Variants in CTR9 observed in about 807,000 individuals in gnomAD.
CTR9 encodes RNA polymerase-associated protein CTR9 homolog.
CTR9 carries 41 observed loss-of-function variants against 152.1 expected under a neutral mutation model. That is an observed-to-expected ratio of 0.27 (90% CI 0.21 to 0.35). The LOEUF (loss-of-function observed/expected upper bound fraction) is 0.35. Ranked by LOEUF, CTR9 falls within the 10% of genes least tolerant of loss-of-function variation. The pLI, the probability that CTR9 is intolerant of heterozygous loss-of-function variation, is 1.00. For synonymous variants in CTR9, 476 were observed against 496.2 expected, an observed-to-expected ratio of 0.96 and a Z score of 0.54; for missense variants, 917 against 1,424.4, an observed-to-expected ratio of 0.64 and a Z score of 5.73.
At chr11:10,775,723 A>T (rs1360914092) in intron 24 of CTR9, 90 bp downstream of exon 24, 2 of 758,478 alleles carry the variant, frequency 2.6e-6, no homozygotes, top group East Asian at 6.2e-5. Flanking sequence ...AGAAAAATAT[A>T]CTTTTCTTTC....
Position 10,755,130 on chromosome 11 carries a change from A to C in CTR9, c.317A>C (p.Lys106Thr). ...CGGAAAGAAAAGAATAAGGACAATA[A>C]AAAGGATCTTATTACACAGGCCACC... ...QARKEKNKDN[K>T]KDLITQATLL... Residue 106 changes from lysine to threonine, a missense_variant, in exon 3 of 25, where the codon AAA becomes ACA. This residue lies in a region of CTR9 where 67 missense variants were observed against 106.9 expected (regional missense o/e 0.63). Coordinates refer to ENST00000361367, the MANE Select transcript of CTR9 (RefSeq NM_014633.5). 1 of 1,614,050 alleles carries C rather than the reference A, an allele frequency of 6.2e-7. No homozygotes were observed. Among genetic ancestry groups the C allele is most frequent in the South Asian group, 1.1e-5 (1 of 91,082 alleles).
chr11:10,773,369 A>T, intron 21 of CTR9, 96 bp downstream of exon 21: 1 of 1,420,868 alleles, frequency 7.0e-7, no homozygotes, highest in South Asian at 1.3e-5. Context: ...TGTACTTACT[A>T]GTTTTGACTT....
In CTR9 at chr11:10,772,731, A is replaced by AT. The variant is rs1863164175; in HGVS notation, c.2580+76_2580+77insT. The AT allele has an allele frequency of 3.6e-6, 5 of 1,384,036 alleles. No homozygotes were observed. In the South Asian group the frequency reaches 6.4e-5, roughly 18 times the overall value. 85.7% of individuals were successfully genotyped at this position (1,384,036 alleles called of 1,614,324 possible). On this transcript the variant is annotated intron_variant, in intron 20 of 24. Transcript: ENST00000361367. ...TACACTTTGTATGTTTAAAAAAAAA[A>AT]GTCCTCTGCCAGGCGTGGTGGCTGA...
chr11:10,779,074 G>C lies in CTR9; in HGVS notation c.3491G>C (p.Gly1164Ala). ...EGSNNEASDR[G>A]SEHGSDDSD ...TCCAACAATGAGGCCTCAGATAGAG[G>C]CTCAGAACATGGGTCAGATGATAGT... The change falls in exon 25 of 25, where the codon GGC (glycine) becomes GCC (alanine). Residue 1164 changes from glycine (G) to alanine (A), a missense_variant. By Grantham distance (60) the Gly-to-Ala change is moderately conservative. Around this residue, in one of 9 missense-constraint regions of CTR9, gnomAD observed 384 missense variants for 398.4 expected, o/e 0.96. Coordinates refer to ENST00000361367, the MANE Select transcript of CTR9 (RefSeq NM_014633.5). 6.2e-7 allele frequency: 1 copy of C among 1,614,054 alleles called. No homozygotes were observed. Among genetic ancestry groups the C allele is most frequent in the Non-Finnish European group, 8.5e-7 (1 of 1,179,986 alleles).
At position 10,779,314 on chromosome 11, in the gene CTR9, T is replaced by G; in HGVS notation, c.*209T>G. 1 of 535,960 alleles carries G rather than the reference T, an allele frequency of 1.9e-6. No individual in the cohort carries two copies. The highest frequency in any genetic ancestry group is 3.3e-6 in the Non-Finnish European group (1 of 304,602). The allele number at this position is 535,960 out of a possible 1,614,324, so 33.2% of individuals were successfully genotyped here. A position where few individuals can be genotyped will look rare whatever the true frequency, so the allele number is the denominator to read the frequency against. On this transcript the variant is annotated 3_prime_UTR_variant, in exon 25 of 25. Transcript: ENST00000361367. The stretch of plus-strand genomic sequence containing the variant: ...TCTCTCGTGCAAATGAGACTATTCT[T>G]TGTGGTACAATTCCACCTATCATAT...
intron 16 of CTR9, among the ~76,000 whole-genome samples, chr11:10,769,897 C>G (rs1863116193): frequency 6.6e-6 from 1 of 152,288 alleles, no homozygotes; most frequent in South Asian, 2.1e-4. Flanking sequence ...TAAGCTGATT[C>G]TAGATAGTAT....
At chr11:10,775,168 G>A (rs367661544) in intron 22 of CTR9, 39 bp from the exon 23 acceptor site, 14 of 1,513,262 alleles carry the variant, frequency 9.3e-6, no homozygotes, top group Non-Finnish European at 1.3e-5. Flanking sequence ...TTTATAGGTA[G>A]GCTCTTGACA....
In CTR9 at chr11:10,774,068, C is replaced by G; in HGVS notation, c.2784C>G (p.Asp928Glu). Residue 928 changes from aspartate (D) to glutamate (E), a missense_variant, in exon 22 of 25, where the codon GAC becomes GAG. By Grantham distance (45) the Asp-to-Glu change is conservative. Around this residue, in one of 9 missense-constraint regions of CTR9, gnomAD observed 384 missense variants for 398.4 expected, o/e 0.96. Coordinates refer to ENST00000361367, the MANE Select transcript of CTR9 (RefSeq NM_014633.5). ...TTGTCAATGATGACACTGATGATGA[C>G]CTACCTATATCCAAAAAGAAGAAGA... Reference protein sequence around the residue: ...DEFVNDDTDDDLPISKKKKRR... With the variant: ...DEFVNDDTDDELPISKKKKRR... The G allele has an allele frequency of 1.9e-6, 3 of 1,612,684 alleles. No individual in the cohort carries two copies. The highest frequency in any genetic ancestry group is 2.5e-6 in the Non-Finnish European group (3 of 1,179,030).
Position 10,779,358 on chromosome 11 carries a change from A to G in CTR9, c.*253A>G. 5.0e-6 allele frequency: 2 copies of G among 399,964 alleles called. No homozygotes were observed. Among genetic ancestry groups the G allele is most frequent in the Non-Finnish European group, 9.0e-6 (2 of 222,380 alleles). The allele number at this position is 399,964 out of a possible 1,614,324, so 24.8% of individuals were successfully genotyped here. A position where few individuals can be genotyped will look rare whatever the true frequency, so the allele number is the denominator to read the frequency against. ...ATCATATGTGAAAACTGCAGTAAAA[A>G]TAAACCCAGATGCTAAATCATTCCT... On this transcript the variant is annotated 3_prime_UTR_variant, in exon 25 of 25. Coordinates refer to ENST00000361367, the MANE Select transcript of CTR9 (RefSeq NM_014633.5).
chr11:10,769,195 C>G (rs1284126098), intron 16 of CTR9, among the ~76,000 whole-genome samples: 2 of 151,864 alleles, frequency 1.3e-5, no homozygotes, highest in African/African-American at 2.4e-5. Flanking sequence ...GCACTCTAGC[C>G]TGGGCGACAA....
intron 13 of CTR9, chr11:10,766,902 G>T (rs1863069508): frequency 6.4e-6 from 1 of 155,578 alleles, no homozygotes; most frequent in South Asian, 2.0e-4. Flanking sequence ...CGTTTTGAGG[G>T]CCCACAAAAA....
chr11:10,760,071 T>C, intron 5 of CTR9, 102 bp from the exon 6 acceptor site: 1 of 1,297,568 alleles, frequency 7.7e-7, no homozygotes, highest in East Asian at 2.3e-5. Flanking sequence ...GAGGTTAATT[T>C]TGGGGATTTT....
chr11:10,763,309 C>G, intron 7 of CTR9, 122 bp from the exon 8 acceptor site: 1 of 705,006 alleles, frequency 1.4e-6, no homozygotes, highest in Admixed American at 2.7e-5. Context: ...CACTGAAAGG[C>G]AACTATTTAT....
intron 19 of CTR9, 26 bp downstream of exon 19, chr11:10,771,642 A>G: frequency 6.4e-7 from 1 of 1,553,280 alleles, no homozygotes. Flanking sequence ...ATGGAAGGTG[A>G]CTTTGGGTGA....
intron 21 of CTR9, 108 bp from the exon 22 acceptor site, chr11:10,773,903 AT>A: frequency 1.2e-5 from 9 of 731,546 alleles, no homozygotes; most frequent in African/African-American, 1.8e-5. Context: ...AAAAAAAAAA[AT>A]CCTTCATTGT....
In CTR9 at chr11:10,760,594, C is replaced by CA. The variant is rs147350120; in HGVS notation, c.741+286dup. On this transcript the variant is annotated intron_variant, in intron 6 of 24. Coordinates refer to ENST00000361367, the MANE Select transcript of CTR9 (RefSeq NM_014633.5). ...CCAAATAAGTTTGCTCCAAGATTAC[C>CA]AAAAAAAAAAAAACAGAAAACAAAA... Among the ~76,000 whole-genome samples, 12,444 of 130,494 alleles carry CA rather than the reference C, an allele frequency of 0.095. 1,614 individuals carry two copies. The highest frequency in any genetic ancestry group is 0.3 in the African/African-American group (11,141 of 37,362). 85.6% of individuals were successfully genotyped at this position (130,494 alleles called of 152,430 possible). A position where few individuals can be genotyped will look rare whatever the true frequency, so the allele number is the denominator to read the frequency against.
Position 10,771,579 on chromosome 11 carries a change from A to G in CTR9, c.2407A>G (p.Met803Val). Reference sequence around the variant, plus strand: ...TTATTTGAGTAAAGTGGGAGATAAAATGAGATTTGATTTGGCCCTTGCTGC... The same window carrying G: ...TTATTTGAGTAAAGTGGGAGATAAAGTGAGATTTGATTTGGCCCTTGCTGC... ...FSYLSKVGDK[M>V]RFDLALAATE... The change falls in exon 19 of 25, where the codon ATG becomes GTG. Residue 803 changes from methionine to valine, a missense_variant. Physicochemically the swap from Met to Val is conservative, Grantham distance 21 (BLOSUM62 1). This residue lies in a region of CTR9 where 106 missense variants were observed against 157.8 expected (regional missense o/e 0.67). Coordinates refer to ENST00000361367, the MANE Select transcript of CTR9 (RefSeq NM_014633.5). The G allele has an allele frequency of 6.2e-7, 1 of 1,612,834 alleles. No individual in the cohort carries two copies. Among genetic ancestry groups the G allele is most frequent in the South Asian group, 1.1e-5 (1 of 91,042 alleles).
intron 9 of CTR9, 27 bp downstream of exon 9, chr11:10,763,906 T>G (rs1295968671): frequency 1.3e-6 from 2 of 1,537,684 alleles, no homozygotes; most frequent in African/African-American, 2.8e-5. Context: ...AAGTCTTAGC[T>G]GTTTTCTGTT....
At position 10,751,305 on chromosome 11, in the gene CTR9, A is replaced by T; in HGVS notation, c.-108A>T. On this transcript the variant is annotated 5_prime_UTR_variant, in exon 1 of 25. Transcript: ENST00000361367. ...AGCTCCAGCGGCGCCGCGGGGCGGC[A>T]GTCAAGACCAGAGCCGGAGCCGTCA... The T allele has an allele frequency of 1.7e-6, 2 of 1,168,738 alleles. No individual in the cohort carries two copies. The highest frequency in any genetic ancestry group is 1.3e-6 in the Non-Finnish European group (1 of 794,180). 72.4% of individuals were successfully genotyped at this position (1,168,738 alleles called of 1,614,324 possible). A position where few individuals can be genotyped will look rare whatever the true frequency, so the allele number is the denominator to read the frequency against.
Sources: allele counts gnomAD v4.1 joint callset (sites outside exome capture counted in the v4.1 genomes callset), GRCh38; gene constraint gnomAD v4.1.1; regional missense constraint gnomAD v4.1.1; transcripts MANE v1.5; gene names NCBI Gene and HGNC (gene_info 2026-07-23, HGNC 2026-07-21).